The following CDON variants were observed in gnomAD, a reference collection of about 807,000 sequenced individuals.
CDON encodes cell adhesion molecule-related/down-regulated by oncogenes.
A neutral mutation model predicts 120.9 loss-of-function variants in CDON; 73 were observed. That is an observed-to-expected ratio of 0.60 (90% CI 0.50 to 0.73). The LOEUF is 0.73. CDON is among the 30% of genes least tolerant of loss of function. The pLI is 0.00. For missense variants in CDON, 1,470 were observed against 1,587.3 expected (o/e 0.93, Z 1.26); for synonymous variants, 566 against 573.5 (o/e 0.99, Z 0.19).
intron 18 of CDON, among the ~76,000 whole-genome samples, chr11:125,965,151 A>G (rs1397624155): frequency 6.6e-6 from 1 of 152,146 alleles, no homozygotes; most frequent in Non-Finnish European, 1.5e-5. Flanking sequence ...GGCTGGTCTC[A>G]AACTCCTGAG....
intron 7 of CDON, among the ~76,000 whole-genome samples, chr11:126,014,226 A>G (rs1947391629): frequency 6.6e-6 from 1 of 152,212 alleles, no homozygotes; most frequent in Admixed American, 6.5e-5. Flanking sequence ...AATCAAGAAG[A>G]AAAAAGACCA....
intron 1 of CDON, among the ~76,000 whole-genome samples, chr11:126,042,096 CT>C (rs1029996361): frequency 6.6e-6 from 1 of 152,276 alleles, no homozygotes; most frequent in Non-Finnish European, 1.5e-5. Context: ...GTTGGTCAGG[CT>C]TGTCTCGAAC....
rs536217369 is a variant in CDON, at chr11:125,971,239, T to C, written c.3356+7065A>G. On this transcript the variant is annotated intron_variant, in intron 18 of 19. Coordinates refer to ENST00000531738, the MANE Select transcript of CDON (RefSeq NM_001378964.1). ...TCTACTAAAAACATAAAAAATTAGC[T>C]GGGTGTGGTGGCGGGCACTTGTAGT... is the stretch of plus-strand genomic sequence containing the variant. Among the ~76,000 whole-genome samples, 197 of 151,886 alleles carry C rather than the reference T, an allele frequency of 1.3e-3. 1 individual carries two copies. Among genetic ancestry groups the C allele is most frequent in the Middle Eastern group, 3.4e-3 (1 of 294 alleles).
In CDON at chr11:126,043,321, G is replaced by C. The variant is rs79091639; in HGVS notation, c.-62+19258C>G. Among the ~76,000 whole-genome samples the C allele has an allele frequency of 8.7e-3, 1,328 of 152,170 alleles. 21 individuals are homozygous for C. The highest frequency in any genetic ancestry group is 0.03 in the African/African-American group (1,251 of 41,526). On this transcript the variant is annotated intron_variant, in intron 1 of 19. Coordinates refer to ENST00000531738, the MANE Select transcript of CDON (RefSeq NM_001378964.1). ...GAAGTGGCCAACAGGAAACTTCTAG[G>C]GGGTATTTGAACCCAAGAAGATTCT...
At chr11:125,983,506 T>C (rs1946373825) in intron 16 of CDON, among the ~76,000 whole-genome samples, 1 of 152,210 alleles carries the variant, frequency 6.6e-6, no homozygotes, top group African/African-American at 2.4e-5. Context: ...CTATTCCCTG[T>C]TGACAAGCTC....
In CDON at chr11:126,034,368, A is replaced by G. The variant is rs1565544382; in HGVS notation, c.-61-10831T>C. 6.6e-6 allele frequency among the ~76,000 whole-genome samples: 1 copy of G among 152,152 alleles called. No individual in the cohort carries two copies. Among genetic ancestry groups the G allele is most frequent in the African/African-American group, 2.4e-5 (1 of 41,428 alleles). On this transcript the variant is annotated intron_variant, in intron 1 of 19. Coordinates refer to ENST00000531738, the MANE Select transcript of CDON (RefSeq NM_001378964.1). The surrounding 1 kb of genome is among the most constrained non-coding windows in gnomAD (Gnocchi z 4.5). Reference sequence around the variant, plus strand: ...GAGCCTCTTCAGCTCCAACACAATGAAAAGGGCCCAGGACGAACCCCAGGA... The same window carrying G: ...GAGCCTCTTCAGCTCCAACACAATGGAAAGGGCCCAGGACGAACCCCAGGA...
Position 125,960,779 on chromosome 11 carries a change from AG to A in CDON, c.*162del. The A allele has an allele frequency of 1.4e-6, 1 of 699,300 alleles. No individual in the cohort carries two copies. Among genetic ancestry groups the A allele is most frequent in the East Asian group, 2.6e-5 (1 of 38,878 alleles). The allele number at this position is 699,300 out of a possible 1,614,324, so 43.3% of individuals were successfully genotyped here. ...ACATTTAAGGCATAAATAATATAAAAGGGCACACGTTTTAAGATACATTCAT... is the reference window on the plus strand; with the variant it reads ...ACATTTAAGGCATAAATAATATAAAAGGCACACGTTTTAAGATACATTCAT... On this transcript the variant is annotated 3_prime_UTR_variant, in exon 20 of 20. Coordinates refer to ENST00000531738, the MANE Select transcript of CDON (RefSeq NM_001378964.1).
At chr11:125,971,244 G>A (rs1047809875) in intron 18 of CDON, among the ~76,000 whole-genome samples, 3 of 152,042 alleles carry the variant, frequency 2.0e-5, no homozygotes, top group Non-Finnish European at 2.9e-5. Context: ...TTAGCTGGGT[G>A]TGGTGGCGGG....
In CDON at chr11:126,010,628, A is replaced by G; in HGVS notation, c.1265T>C (p.Val422Ala). Residue 422 changes from valine to alanine, a missense_variant, in exon 8 of 20, where the codon GTT becomes GCT. Val to Ala is a moderately conservative substitution (Grantham distance 64). Coordinates refer to ENST00000531738, the MANE Select transcript of CDON (RefSeq NM_001378964.1). ...VSAKVADGDF[V>A]TLSCNASGLP... ...CCCACTGGCATTGCAGGACAGAGTAACAAAGTCTCCGTCTGCAACCTTTGC... is the reference window on the plus strand; with the variant it reads ...CCCACTGGCATTGCAGGACAGAGTAGCAAAGTCTCCGTCTGCAACCTTTGC... 1 of 1,614,202 alleles carries G rather than the reference A, an allele frequency of 6.2e-7. No individual in the cohort carries two copies. Among genetic ancestry groups the G allele is most frequent in the South Asian group, 1.1e-5 (1 of 91,082 alleles).
intron 1 of CDON, among the ~76,000 whole-genome samples, chr11:126,048,136 G>A (rs571298264): frequency 1.3e-5 from 2 of 152,050 alleles, no homozygotes; most frequent in South Asian, 4.2e-4. Flanking sequence ...AATTAGCCAG[G>A]CATGGTGGCA....
intron 5 of CDON, 85 bp from the exon 6 acceptor site, chr11:126,017,460 T>G: frequency 7.8e-7 from 1 of 1,283,584 alleles, no homozygotes; most frequent in Non-Finnish European, 1.1e-6. Context: ...ATCACCATTT[T>G]CCCATGTATT....
chr11:126,010,455 C>T lies in CDON; in HGVS notation c.1438G>A (p.Ala480Thr), dbSNP rs1265265977. Reference protein sequence around the residue: ...LEPVYFVLSQAGASSLHIQAV... With the variant: ...LEPVYFVLSQTGASSLHIQAV... ...TGAATATGGAGAGAGCTTGCACCAGCTTGGGACAGGACGAAGTACACAGGC... is the reference window on the plus strand; with the variant it reads ...TGAATATGGAGAGAGCTTGCACCAGTTTGGGACAGGACGAAGTACACAGGC... Residue 480 changes from alanine (A) to threonine (T), a missense_variant, in exon 8 of 20, where the codon GCT becomes ACT. Physicochemically the swap from Ala to Thr is moderately conservative, Grantham distance 58. Transcript: ENST00000531738. 6.2e-7 allele frequency: 1 copy of T among 1,614,108 alleles called. No individual in the cohort carries two copies. The highest frequency in any genetic ancestry group is 8.5e-7 in the Non-Finnish European group (1 of 1,179,994).
In CDON at chr11:125,957,136, C is replaced by CA. The variant is rs1464708862; in HGVS notation, c.*3805dup. The stretch of plus-strand genomic sequence containing the variant: ...GCGGGACCGCTCCTCCTCATCCTCC[C>CA]AAGCTCCTCTCCTACCCACCTCCCT... On this transcript the variant is annotated 3_prime_UTR_variant, in exon 20 of 20. Coordinates refer to ENST00000531738, the MANE Select transcript of CDON (RefSeq NM_001378964.1). The CA allele has an allele frequency of 6.6e-6, 1 of 152,660 alleles. No homozygotes were observed. The highest frequency in any genetic ancestry group is 2.4e-5 in the African/African-American group (1 of 41,432). The allele number at this position is 152,660 out of a possible 1,614,324, so 9.5% of individuals were successfully genotyped here. A position where few individuals can be genotyped will look rare whatever the true frequency, so the allele number is the denominator to read the frequency against.
Position 125,956,829 on chromosome 11 carries a change from TCA to T in CDON, c.*4111_*4112del. Reference sequence around the variant, plus strand: ...GAAGCTTAAGAAGATTCTGTGGTTCTCACAGAGTTAGACTTTATTAGATAAGG... The same window carrying T: ...GAAGCTTAAGAAGATTCTGTGGTTCTCAGAGTTAGACTTTATTAGATAAGG... On this transcript the variant is annotated 3_prime_UTR_variant, in exon 20 of 20. Coordinates refer to ENST00000531738, the MANE Select transcript of CDON (RefSeq NM_001378964.1). 3.0e-6 allele frequency: 3 copies of T among 988,074 alleles called. No individual in the cohort carries two copies. Among genetic ancestry groups the T allele is most frequent in the Non-Finnish European group, 2.4e-6 (2 of 831,684 alleles). The allele number at this position is 988,074 out of a possible 1,614,324, so 61.2% of individuals were successfully genotyped here.
In CDON at chr11:125,957,690, T is replaced by A. The variant is rs1450640424; in HGVS notation, c.*3252A>T. 1 of 152,186 alleles carries A rather than the reference T, an allele frequency of 6.6e-6. No individual in the cohort carries two copies. The highest frequency in any genetic ancestry group is 2.4e-5 in the African/African-American group (1 of 41,448). The allele number at this position is 152,186 out of a possible 1,614,324, so 9.4% of individuals were successfully genotyped here. A position where few individuals can be genotyped will look rare whatever the true frequency, so the allele number is the denominator to read the frequency against. On this transcript the variant is annotated 3_prime_UTR_variant, in exon 20 of 20. Coordinates refer to ENST00000531738, the MANE Select transcript of CDON (RefSeq NM_001378964.1). ...TGGCAGTACTATAGCTGGAATGAGA[T>A]CTGTGGCATGATCAGCCCAAGATGG... is the stretch of plus-strand genomic sequence containing the variant.
intron 1 of CDON, among the ~76,000 whole-genome samples, chr11:126,051,134 T>G (rs1165220978): frequency 6.6e-6 from 1 of 152,176 alleles, no homozygotes; most frequent in Non-Finnish European, 1.5e-5. Flanking sequence ...CCTGTAGCAT[T>G]TGAGATGTGG....
chr11:126,011,196 G>A (rs926956618), intron 7 of CDON, among the ~76,000 whole-genome samples: 6 of 152,164 alleles, frequency 3.9e-5, no homozygotes, highest in African/African-American at 1.4e-4. Flanking sequence ...ATACCTGTAT[G>A]TTTTTTCCCA....
intron 15 of CDON, among the ~76,000 whole-genome samples, chr11:125,987,976 A>AT (rs1565506920): frequency 6.6e-6 from 1 of 152,196 alleles, no homozygotes. Context: ...CCATTTCCTC[A>AT]TTTTTTAAAA....
chr11:126,003,068 T>C (rs1252345773), intron 10 of CDON, among the ~76,000 whole-genome samples: 1 of 152,136 alleles, frequency 6.6e-6, no homozygotes, highest in Non-Finnish European at 1.5e-5. Context: ...GCTTAAACTG[T>C]TAACAACTCC....
Sources: gnomAD v4.1 joint callset for allele counts (sites outside exome capture counted in the v4.1 genomes callset) on GRCh38, gnomAD v4.1.1 for gene constraint, Gnocchi (gnomAD v3.1) non-coding constraint, MANE v1.5 for transcripts, NCBI Gene and HGNC (gene_info 2026-07-23, HGNC 2026-07-21) for gene names.